Variants in PPP4R1 observed in about 807,000 individuals in gnomAD.
The protein encoded by PPP4R1 is protein phosphatase 4 regulatory subunit 1.
In PPP4R1, 42 loss-of-function variants were observed where a neutral mutation model predicts 111.2. The observed-to-expected ratio is 0.38, with a 90% confidence interval of 0.29 to 0.49. The LOEUF (loss-of-function observed/expected upper bound fraction) is 0.49, where lower values mean the gene tolerates loss of function less well. Among genes scored for constraint, PPP4R1 ranks in the 20% least tolerant of loss-of-function variants. The probability of loss-of-function intolerance (pLI) is 0.97; values close to 1 mark genes in which losing one functional copy is unlikely to be tolerated. For synonymous variants in PPP4R1, 409 were observed against 405.5 expected, an observed-to-expected ratio of 1.01 and a Z score of -0.10; for missense variants, 1,012 against 1,161.6, an observed-to-expected ratio of 0.87 and a Z score of 1.87.
intron 9 of PPP4R1, among the ~76,000 whole-genome samples, chr18:9,580,851 A>G (rs1284014010): frequency 6.6e-6 from 1 of 152,138 alleles, no homozygotes; most frequent in African/African-American, 2.4e-5. Flanking sequence ...GGTGTGGCAC[A>G]CTGAAAAGGC....
chr18:9,558,867 G>A (rs181869456), intron 14 of PPP4R1, among the ~76,000 whole-genome samples: 146 of 152,208 alleles, frequency 9.6e-4, no homozygotes, highest in African/African-American at 3.2e-3. Flanking sequence ...ACAAAATGAC[G>A]TGAAGCAAGG....
chr18:9,549,170 GCTT>G, intron 19 of PPP4R1, 24 bp downstream of exon 19: 1 of 1,600,408 alleles, frequency 6.2e-7, no homozygotes, highest in Non-Finnish European at 8.6e-7. Flanking sequence ...CTACTCACAC[GCTT>G]CTTCTAGTGG....
chr18:9,589,930 A>G (rs2067183921), intron 4 of PPP4R1: 1 of 152,282 alleles, frequency 6.6e-6, no homozygotes, highest in Admixed American at 6.6e-5. Context: ...TTTATTATAG[A>G]TAACAGATAC....
rs72943898 is a variant in PPP4R1, at chr18:9,560,172, C to T, written c.1843-568G>A. On this transcript the variant is annotated intron_variant, in intron 13 of 19. Transcript: ENST00000400556. The stretch of plus-strand genomic sequence containing the variant: ...GCTCACACCTGTAGTTCCAGATACT[C>T]GGGAGGCTGAGGTGGGATGATCACT... Among the ~76,000 whole-genome samples, 329 of 152,058 alleles carry T rather than the reference C, an allele frequency of 2.2e-3. 1 individual carries two copies. The highest frequency in any genetic ancestry group is 3.9e-3 in the African/African-American group (163 of 41,474).
In PPP4R1 at chr18:9,553,416, G is replaced by A; in HGVS notation, c.2197C>T (p.His733Tyr). ...KHLHDFLKLLHIDKRREYLYQ... is the reference protein window; with the variant it reads ...KHLHDFLKLLYIDKRREYLYQ... ...AGATATTCTCTTCTTTTGTCAATAT[G>A]AAGAAGCTAAAGTAACAAAATAAAA... is the stretch of plus-strand genomic sequence containing the variant. Residue 733 changes from histidine (H) to tyrosine (Y), a missense_variant, in exon 16 of 20, where the codon CAT becomes TAT. His to Tyr is a moderately conservative substitution (Grantham distance 83). Transcript: ENST00000400556. 1 of 1,561,428 alleles carries A rather than the reference G, an allele frequency of 6.4e-7. No individual in the cohort carries two copies. The highest frequency in any genetic ancestry group is 8.8e-7 in the Non-Finnish European group (1 of 1,134,876).
At chr18:9,552,117 C>T (rs1364693651) in intron 16 of PPP4R1, among the ~76,000 whole-genome samples, 2 of 152,168 alleles carry the variant, frequency 1.3e-5, no homozygotes, top group Non-Finnish European at 2.9e-5. Flanking sequence ...GCCCCACATT[C>T]CATACTCAGC....
At chr18:9,588,910 A>G in intron 4 of PPP4R1, 57 bp from the exon 5 acceptor site, 1 of 1,585,962 alleles carries the variant, frequency 6.3e-7, no homozygotes, top group East Asian at 2.2e-5. Context: ...CAAAACCTTT[A>G]TCTGTTCTTG....
intron 14 of PPP4R1, among the ~76,000 whole-genome samples, chr18:9,558,448 C>G (rs1413068291): frequency 6.6e-6 from 1 of 152,142 alleles, no homozygotes; most frequent in Admixed American, 6.5e-5. Flanking sequence ...GGTTCCATGA[C>G]CAGATGCAGC....
At chr18:9,550,631 TAG>T (rs2144967548) in intron 16 of PPP4R1, 1 of 499,870 alleles carries the variant, frequency 2.0e-6, no homozygotes, top group Admixed American at 3.7e-5. Context: ...ACAAAAGCTG[TAG>T]AGTTCTGCAT....
At chr18:9,552,671 T>C (rs368565994) in intron 16 of PPP4R1, among the ~76,000 whole-genome samples, 2 of 152,180 alleles carry the variant, frequency 1.3e-5, no homozygotes, top group South Asian at 4.1e-4. Context: ...TCAAAAGAAC[T>C]GAAAACAGAT....
intron 2 of PPP4R1, among the ~76,000 whole-genome samples, chr18:9,601,869 C>T (rs2067389062): frequency 6.6e-6 from 1 of 152,160 alleles, no homozygotes; most frequent in Non-Finnish European, 1.5e-5. Flanking sequence ...TTTAGTTCAT[C>T]TTATCTCTAA....
intron 4 of PPP4R1, among the ~76,000 whole-genome samples, chr18:9,589,629 C>G (rs2145224515): frequency 6.6e-6 from 1 of 151,954 alleles, no homozygotes; most frequent in East Asian, 1.9e-4. Context: ...TTATTATAGG[C>G]TGGGTGTGCC....
chr18:9,563,327 C>A, intron 12 of PPP4R1, 51 bp downstream of exon 12: 1 of 1,498,492 alleles, frequency 6.7e-7, no homozygotes, highest in Non-Finnish European at 9.0e-7. Flanking sequence ...CAATGAAAGA[C>A]TTCTGATTCA....
chr18:9,547,741 G>T lies in PPP4R1; in HGVS notation c.*48C>A. ...GTCACATGCGTGGCGAATGCCCACT[G>T]AACCTCGGCTCTCATGGAAGCAGGA... On this transcript the variant is annotated 3_prime_UTR_variant, in exon 20 of 20. Coordinates refer to ENST00000400556, the MANE Select transcript of PPP4R1 (RefSeq NM_001042388.3). 1 of 1,602,442 alleles carries T rather than the reference G, an allele frequency of 6.2e-7. No homozygotes were observed. The highest frequency in any genetic ancestry group is 1.1e-5 in the South Asian group (1 of 90,684).
rs1003317126 is a variant in PPP4R1, at chr18:9,563,660, A to G, written c.1574-110T>C. ...TATCAATGAAATATATACTTTTTTG[A>G]CACTGCAATCAAAAAGCTGGAAAAA... On this transcript the variant is annotated intron_variant, in intron 11 of 19. Coordinates refer to ENST00000400556, the MANE Select transcript of PPP4R1 (RefSeq NM_001042388.3). 6 of 1,039,710 alleles carry G rather than the reference A, an allele frequency of 5.8e-6. No individual in the cohort carries two copies. In the African/African-American group the frequency reaches 9.9e-5, roughly 17 times the overall value. 64.4% of individuals were successfully genotyped at this position (1,039,710 alleles called of 1,614,324 possible). A position where few individuals can be genotyped will look rare whatever the true frequency, so the allele number is the denominator to read the frequency against.
At chr18:9,556,163 T>C (rs1027304855) in intron 15 of PPP4R1, among the ~76,000 whole-genome samples, 1 of 148,362 alleles carries the variant, frequency 6.7e-6, no homozygotes, top group Non-Finnish European at 1.5e-5. Flanking sequence ...CCGAATATGA[T>C]CTACATAAAA....
At chr18:9,586,703 C>G (rs2067122132) in intron 6 of PPP4R1, among the ~76,000 whole-genome samples, 1 of 152,124 alleles carries the variant, frequency 6.6e-6, no homozygotes, top group South Asian at 2.1e-4. Context: ...AAAATATCAA[C>G]AAAGACGCAA....
chr18:9,613,611 C>A (rs145281679), intron 2 of PPP4R1: 6 of 148,656 alleles, frequency 4.0e-5, no homozygotes, highest in South Asian at 4.3e-4. Flanking sequence ...CTCTCCAAAC[C>A]TAGTAATTCC....
At chr18:9,566,466 AT>A (rs2066766845) in intron 11 of PPP4R1, among the ~76,000 whole-genome samples, 1 of 151,822 alleles carries the variant, frequency 6.6e-6, no homozygotes, top group East Asian at 2.0e-4. Flanking sequence ...CCTGGCCAGC[AT>A]GGTGAAATCC....
Sources: gnomAD v4.1 joint callset for allele counts (sites outside exome capture counted in the v4.1 genomes callset) on GRCh38, gnomAD v4.1.1 for gene constraint, MANE v1.5 for transcripts, NCBI Gene and HGNC (gene_info 2026-07-23, HGNC 2026-07-21) for gene names.